The following VPS13C variants were observed in gnomAD, a reference collection of about 807,000 sequenced individuals.
The protein encoded by VPS13C is vacuolar protein sorting 13 homolog C.
In VPS13C, 358 loss-of-function variants were observed where a neutral mutation model predicts 456.8. The ratio of observed to expected loss-of-function variants is 0.78; its 90% CI spans 0.72 to 0.86. The LOEUF (loss-of-function observed/expected upper bound fraction) is 0.86. Ranked by LOEUF, VPS13C falls within the 40% of genes least tolerant of loss-of-function variation. The pLI, the probability that VPS13C is intolerant of heterozygous loss-of-function variation, is 0.00. For synonymous variants in VPS13C, 1,578 were observed against 1,486.7 expected, an observed-to-expected ratio of 1.06 and a Z score of -1.41; for missense variants, 4,818 against 4,385.4, an observed-to-expected ratio of 1.10 and a Z score of -2.79.
chr15:61,870,822 C>T (rs1324449007), intron 79 of VPS13C, among the ~76,000 whole-genome samples: 2 of 152,092 alleles, frequency 1.3e-5, no homozygotes, highest in South Asian at 2.1e-4. Context: ...AGGTGTGAAA[C>T]GGTATCTCAT....
intron 79 of VPS13C, 30 bp downstream of exon 79, chr15:61,871,959 T>C (rs1197060745): frequency 3.1e-6 from 5 of 1,601,552 alleles, no homozygotes; most frequent in African/African-American, 1.3e-5. Context: ...TCTTCAGACT[T>C]TGTAAAGGAA....
At chr15:61,946,236 CAAAT>C (rs1369248859) in intron 44 of VPS13C, 67 bp downstream of exon 44, 7 of 1,177,576 alleles carry the variant, frequency 5.9e-6, no homozygotes, top group South Asian at 1.5e-5. Context: ...GTATACTGTG[CAAAT>C]AAATAATAGC....
chr15:61,977,054 TCTA>T, intron 24 of VPS13C, 25 bp downstream of exon 24: 1 of 1,489,396 alleles, frequency 6.7e-7, no homozygotes. Context: ...CTGTTGATTT[TCTA>T]ATATAAAAGA....
chr15:61,971,583 A>G (rs1429338067), intron 27 of VPS13C, among the ~76,000 whole-genome samples: 2 of 152,164 alleles, frequency 1.3e-5, no homozygotes, highest in Non-Finnish European at 2.9e-5. Flanking sequence ...TTAAAGGATC[A>G]ATCTGGCAAA....
chr15:61,882,569 A>G, intron 69 of VPS13C, 27 bp downstream of exon 69: 1 of 1,483,956 alleles, frequency 6.7e-7, no homozygotes, highest in Non-Finnish European at 8.9e-7. Context: ...GTGATGATAA[A>G]TACTTATTTG....
intron 73 of VPS13C, among the ~76,000 whole-genome samples, chr15:61,879,748 C>G (rs1895714982): frequency 6.6e-6 from 1 of 152,000 alleles, no homozygotes; most frequent in Admixed American, 6.6e-5. Context: ...CCACAAATAA[C>G]TGATTTTCAC....
chr15:61,968,105 A>G (rs1023199612), intron 28 of VPS13C, among the ~76,000 whole-genome samples: 1 of 152,064 alleles, frequency 6.6e-6, no homozygotes, highest in African/African-American at 2.4e-5. Flanking sequence ...ACCTTATCTT[A>G]ACACAGGTCC....
chr15:61,982,504 CTGA>C lies in VPS13C; in HGVS notation c.1981_1983del (p.Ser661del). The C allele has an allele frequency of 6.2e-7, 1 of 1,609,790 alleles. No homozygotes were observed. Among genetic ancestry groups the C allele is most frequent in the Non-Finnish European group, 8.5e-7 (1 of 1,178,606 alleles). On this transcript the variant is annotated inframe_deletion, in exon 21 of 85. Coordinates refer to ENST00000644861, the MANE Select transcript of VPS13C (RefSeq NM_020821.3). ...ATTTCTTCCAGCTTCATCAATGTTG[CTGA>C]TGTTATTTGCTCAAGATCCAATCCC...
Position 61,956,196 on chromosome 15 carries a change from G to A in VPS13C, c.4166-1642C>T, listed in dbSNP as rs544125346. 4.7e-4 allele frequency among the ~76,000 whole-genome samples: 71 copies of A among 152,158 alleles called. 1 individual carries two copies. The highest frequency in any genetic ancestry group is 1.6e-3 in the African/African-American group (67 of 41,534). On this transcript the variant is annotated intron_variant, in intron 37 of 84. Transcript: ENST00000644861. ...TTCAGCAACATGGATGGAGCTGGAG[G>A]CCATCATCCTAAGTTAATTAGCTCA...
intron 66 of VPS13C, among the ~76,000 whole-genome samples, chr15:61,900,338 C>T (rs548444763): frequency 1.2e-4 from 18 of 152,228 alleles, no homozygotes; most frequent in East Asian, 3.9e-4. Flanking sequence ...TGTTTGCAGA[C>T]GACATGATTG....
intron 20 of VPS13C, chr15:61,983,603 T>G (rs963607288): frequency 4.9e-5 from 23 of 467,056 alleles, no homozygotes; most frequent in African/African-American, 4.7e-4. Context: ...AACAAAGGCG[T>G]AGATAAATAA....
At position 61,884,138 on chromosome 15, in the gene VPS13C, T is replaced by C. The variant is rs1053476772; in HGVS notation, c.9473A>G (p.Asn3158Ser). 1.3e-6 allele frequency: 2 copies of C among 1,583,910 alleles called. No homozygotes were observed. Among genetic ancestry groups the C allele is most frequent in the African/African-American group, 2.7e-5 (2 of 72,942 alleles). The change falls in exon 68 of 85, where the codon AAT becomes AGT. Residue 3158 changes from asparagine to serine, a missense_variant. Coordinates refer to ENST00000644861, the MANE Select transcript of VPS13C (RefSeq NM_020821.3). ...SRDHGWIKLD[N>S]NFEVNFDKDP... The stretch of plus-strand genomic sequence containing the variant: ...AGAATTTTGGTATACCTCAAAATTA[T>C]TATCTAGCTTAATCCAGCCATGGTC...
chr15:61,956,807 G>A (rs1269047051), intron 37 of VPS13C, among the ~76,000 whole-genome samples: 1 of 152,150 alleles, frequency 6.6e-6, no homozygotes, highest in African/African-American at 2.4e-5. Context: ...AAGTACTGGG[G>A]AGAATGTGAA....
At chr15:61,986,907 AAT>A (rs1469450057) in intron 18 of VPS13C, among the ~76,000 whole-genome samples, 1 of 152,156 alleles carries the variant, frequency 6.6e-6, no homozygotes, top group Non-Finnish European at 1.5e-5. Context: ...AATAAGGAAA[AAT>A]AGAGATATTT....
chr15:61,958,865 T>C (rs757134312), intron 36 of VPS13C, 149 bp from the exon 37 acceptor site: 12 of 455,766 alleles, frequency 2.6e-5, no homozygotes, highest in Admixed American at 4.3e-5. Flanking sequence ...CACTTAAGTA[T>C]TGCACTACTT....
chr15:61,919,917 T>C (rs899452194), intron 57 of VPS13C, 150 bp downstream of exon 57: 4 of 767,728 alleles, frequency 5.2e-6, no homozygotes, highest in Non-Finnish European at 3.6e-6. Context: ...TTCTCAAGTT[T>C]AGAAAACAAG....
chr15:61,983,654 C>A, intron 20 of VPS13C, 166 bp downstream of exon 20: 1 of 694,052 alleles, frequency 1.4e-6, no homozygotes, highest in Non-Finnish European at 2.2e-6. Context: ...TGAAAAAAAT[C>A]AAAATTAGCT....
At chr15:61,891,162 G>A (rs2042639027) in intron 66 of VPS13C, among the ~76,000 whole-genome samples, 1 of 152,172 alleles carries the variant, frequency 6.6e-6, no homozygotes, top group East Asian at 1.9e-4. Context: ...AAGGTTATAT[G>A]TAGCACTTAA....
chr15:62,037,540 CT>C (rs2048106522), intron 3 of VPS13C, among the ~76,000 whole-genome samples: 1 of 67,964 alleles, frequency 1.5e-5, no homozygotes, highest in Non-Finnish European at 3.8e-5. Flanking sequence ...TGCAAAATTT[CT>C]TTAGTCAGCT....
Sources: gnomAD v4.1 joint callset for allele counts (sites outside exome capture counted in the v4.1 genomes callset) on GRCh38, gnomAD v4.1.1 for gene constraint, MANE v1.5 for transcripts, NCBI Gene and HGNC (gene_info 2026-07-23, HGNC 2026-07-21) for gene names.